The following AFF2 variants were observed in gnomAD, a reference collection of about 807,000 sequenced individuals.
AFF2 encodes AF4/FMR2 family member 2.
AFF2 carries 14 observed loss-of-function variants against 76.9 expected under a neutral mutation model. The ratio of observed to expected loss-of-function variants is 0.18; its 90% CI spans 0.12 to 0.28. The LOEUF (loss-of-function observed/expected upper bound fraction) is 0.28. Ranked by LOEUF, AFF2 falls within the 10% of genes least tolerant of loss-of-function variation. The probability of loss-of-function intolerance (pLI) is 1.00; values close to 1 mark genes in which losing one functional copy is unlikely to be tolerated. For synonymous variants in AFF2, 398 were observed against 366.7 expected, an observed-to-expected ratio of 1.09 and a Z score of -0.98; for missense variants, 868 against 1,001.1, an observed-to-expected ratio of 0.87 and a Z score of 1.79.
chrX:148,901,859 T>C (rs781871537), intron 8 of AFF2, among the ~76,000 whole-genome samples: 1 of 111,834 alleles, frequency 8.9e-6, no homozygotes, highest in South Asian at 3.8e-4. Flanking sequence ...CATCATTTAC[T>C]TGCCATCATT....
At chrX:148,581,807 C>A (rs1475707932) in intron 1 of AFF2, among the ~76,000 whole-genome samples, 3 of 112,063 alleles carry the variant, frequency 2.7e-5, no homozygotes, top group African/African-American at 9.7e-5. Context: ...ATAAGCACAG[C>A]ATATTGATCA....
At chrX:148,654,985 C>A (rs1205613996) in intron 2 of AFF2, among the ~76,000 whole-genome samples, 6 of 111,170 alleles carry the variant, frequency 5.4e-5, no homozygotes, top group African/African-American at 2.0e-4. Context: ...TTTATTCTCC[C>A]TTCATAATTT....
intron 15 of AFF2, among the ~76,000 whole-genome samples, chrX:148,972,969 A>T (rs1188972557): frequency 7.0e-5 from 5 of 71,444 alleles, no homozygotes; most frequent in South Asian, 9.4e-4. Context: ...TAAGGAAGGG[A>T]TCCAGTTTCA....
intron 4 of AFF2, among the ~76,000 whole-genome samples, chrX:148,835,368 T>C (rs989092732): frequency 1.8e-5 from 2 of 111,562 alleles, no homozygotes; most frequent in Non-Finnish European, 3.8e-5. Flanking sequence ...GAGAAAAAAA[T>C]TATTTTAATT....
At chrX:148,575,255 G>A (rs1441749376) in intron 1 of AFF2, among the ~76,000 whole-genome samples, 31 of 111,087 alleles carry the variant, frequency 2.8e-4, no homozygotes, top group African/African-American at 9.8e-4. Flanking sequence ...TGTGGGGTGA[G>A]CATTTATCAC....
chrX:148,936,394 A>C (rs1338406072), intron 9 of AFF2, among the ~76,000 whole-genome samples: 3 of 112,233 alleles, frequency 2.7e-5, no homozygotes, highest in Non-Finnish European at 3.8e-5. Context: ...AGTGTAATCA[A>C]GTGTCAAGTT....
chrX:148,630,585 C>T (rs782383338), intron 1 of AFF2, among the ~76,000 whole-genome samples: 1 of 111,423 alleles, frequency 9.0e-6, no homozygotes, highest in Non-Finnish European at 1.9e-5. Context: ...TAGGACGTTT[C>T]TTTTGGGCAC....
chrX:148,919,554 T>C (rs1424069163), intron 9 of AFF2, among the ~76,000 whole-genome samples: 4 of 109,864 alleles, frequency 3.6e-5, no homozygotes, highest in African/African-American at 1.3e-4. Context: ...TATATAAATA[T>C]ATAATTTATT....
intron 7 of AFF2, among the ~76,000 whole-genome samples, chrX:148,873,143 G>T (rs1021122897): frequency 2.7e-5 from 3 of 111,630 alleles, no homozygotes; most frequent in Non-Finnish European, 3.8e-5. Flanking sequence ...TGCACAGAGA[G>T]ATTCCTTCTT....
At chrX:148,857,439 A>G (rs1381596488) in intron 7 of AFF2, among the ~76,000 whole-genome samples, 1 of 112,047 alleles carries the variant, frequency 8.9e-6, no homozygotes, top group South Asian at 3.7e-4. Flanking sequence ...GAAGATAACA[A>G]TTCTGAGCAA....
At chrX:148,882,447 C>T (rs1474365446) in intron 7 of AFF2, among the ~76,000 whole-genome samples, 1 of 111,910 alleles carries the variant, frequency 8.9e-6, no homozygotes. Flanking sequence ...CCAAGATGAA[C>T]ATTGTGGATG....
At chrX:148,940,869 T>C (rs1220745140) in intron 9 of AFF2, among the ~76,000 whole-genome samples, 2 of 111,584 alleles carry the variant, frequency 1.8e-5, no homozygotes, top group Non-Finnish European at 3.8e-5. Context: ...TCTTTTCTTC[T>C]CCCATTTGCA....
chrX:148,510,068 A>G (rs1464509273), intron 1 of AFF2, among the ~76,000 whole-genome samples: 4 of 111,390 alleles, frequency 3.6e-5, no homozygotes, highest in African/African-American at 1.3e-4. Context: ...AACTCTTCCC[A>G]TGCAACTTTG....
At chrX:148,655,054 G>C (rs2054237611) in intron 2 of AFF2, among the ~76,000 whole-genome samples, 1 of 110,621 alleles carries the variant, frequency 9.0e-6, no homozygotes, top group Non-Finnish European at 1.9e-5. Flanking sequence ...TTTTCACAAG[G>C]CCTGTTATAT....
intron 3 of AFF2, among the ~76,000 whole-genome samples, chrX:148,805,360 G>A (rs1303988644): frequency 7.2e-5 from 8 of 111,292 alleles, no homozygotes; most frequent in African/African-American, 2.6e-4. Flanking sequence ...ATGATTTTAT[G>A]GGAAAAAATG....
At chrX:148,906,632 G>T (rs1179162354) in intron 9 of AFF2, among the ~76,000 whole-genome samples, 1 of 112,056 alleles carries the variant, frequency 8.9e-6, no homozygotes, top group Non-Finnish European at 1.9e-5. Context: ...TATAAACCCA[G>T]GCATTTGAGC....
chrX:148,810,460 A>G (rs1159155886), intron 4 of AFF2, among the ~76,000 whole-genome samples: 1 of 112,637 alleles, frequency 8.9e-6, no homozygotes, highest in Non-Finnish European at 1.9e-5. Context: ...GAATGGCTAT[A>G]ATCTCTTCTG....
In AFF2 at chrX:148,535,189, C is replaced by T. The variant is rs142651279; in HGVS notation, c.47+34045C>T. 2.1e-3 allele frequency among the ~76,000 whole-genome samples: 237 copies of T among 111,844 alleles called. 2 individuals carry two copies. Among genetic ancestry groups the T allele is most frequent in the African/African-American group, 7.5e-3 (232 of 30,799 alleles). ...CACTCAATATGAGAGCTGCTACCAC[C>T]ATCATTGTGGTTATTATGATGTGAT... On this transcript the variant is annotated intron_variant, in intron 1 of 20. Coordinates refer to ENST00000370460, the MANE Select transcript of AFF2 (RefSeq NM_002025.4).
At chrX:148,875,075 G>A (rs2071021023) in intron 7 of AFF2, among the ~76,000 whole-genome samples, 1 of 111,965 alleles carries the variant, frequency 8.9e-6, no homozygotes, top group Non-Finnish European at 1.9e-5. Flanking sequence ...AAATTCCTCT[G>A]TATTAGAGCC....
Sources: gnomAD v4.1 joint callset for allele counts (sites outside exome capture counted in the v4.1 genomes callset) on GRCh38, gnomAD v4.1.1 for gene constraint, MANE v1.5 for transcripts, NCBI Gene and HGNC (gene_info 2026-07-23, HGNC 2026-07-21) for gene names.